The following MCUB variants were observed in gnomAD, a reference collection of about 807,000 sequenced individuals.
MCUB encodes the protein mitochondrial calcium uniporter dominant negative subunit beta.
A neutral mutation model predicts 41.4 loss-of-function variants in MCUB; 46 were observed. The ratio of observed to expected loss-of-function variants is 1.11; its 90% CI spans 0.88 to 1.42. The LOEUF (loss-of-function observed/expected upper bound fraction) is 1.42. MCUB is among the 40% of genes most tolerant of loss of function. The pLI is 0.00. For missense variants in MCUB, 403 were observed against 404.9 expected, an observed-to-expected ratio of 1.00 and a Z score of 0.04; for synonymous variants, 148 against 148.2, an observed-to-expected ratio of 1.00 and a Z score of 0.01.
intron 1 of MCUB, among the ~76,000 whole-genome samples, chr4:109,589,031 A>G (rs888748698): frequency 1.3e-5 from 2 of 152,240 alleles, no homozygotes; most frequent in Non-Finnish European, 2.9e-5. Flanking sequence ...TAAGGTAACC[A>G]TAATTAACAC....
rs11307907 is a variant in MCUB at position 109,664,943 on chromosome 4, TAAA to T, written c.451+559_451+561del. 4.0e-5 allele frequency among the ~76,000 whole-genome samples: 6 copies of T among 150,830 alleles called. No homozygotes were observed. The East Asian group carries it at 1.2e-3, about 29-fold the overall frequency. On this transcript the variant is annotated intron_variant, in intron 4 of 7. Transcript: ENST00000394650. ...ATGATTGTATAGCTCTTAACTCTTG[TAAA>T]AAAAAAAAATTGTATTATTTAAAGC...
intron 1 of MCUB, among the ~76,000 whole-genome samples, chr4:109,636,109 C>T (rs931864117): frequency 6.6e-6 from 1 of 151,990 alleles, no homozygotes; most frequent in Non-Finnish European, 1.5e-5. Context: ...TCTAACTGAC[C>T]CAGCTTGGAG....
chr4:109,606,579 C>A (rs1407108991), intron 1 of MCUB, among the ~76,000 whole-genome samples: 1 of 151,848 alleles, frequency 6.6e-6, no homozygotes, highest in Non-Finnish European at 1.5e-5. Context: ...TATCTTATAA[C>A]CCATTATTTT....
intron 4 of MCUB, among the ~76,000 whole-genome samples, chr4:109,666,454 A>G (rs1157234416): frequency 6.6e-6 from 1 of 152,210 alleles, no homozygotes; most frequent in Non-Finnish European, 1.5e-5. Context: ...TATCCTTGCC[A>G]GCAATTGGTG....
chr4:109,601,076 A>C lies in MCUB; in HGVS notation c.99+40640A>C, dbSNP rs570300527. ...CCAAAGTGTTGGGATTACAGGCGTG[A>C]GCTACCGCACCCGGCCTATTGTATC... On this transcript the variant is annotated intron_variant, in intron 1 of 7. Transcript: ENST00000394650. 2.6e-5 allele frequency among the ~76,000 whole-genome samples: 4 copies of C among 151,778 alleles called. No homozygotes were observed. In the East Asian group the frequency reaches 7.8e-4, roughly 30 times the overall value.
At chr4:109,585,256 AC>A (rs1727280356) in intron 1 of MCUB, among the ~76,000 whole-genome samples, 2 of 152,078 alleles carry the variant, frequency 1.3e-5, no homozygotes, top group African/African-American at 4.8e-5. Context: ...TTTATCAGAG[AC>A]TAGGATTGCA....
chr4:109,665,946 A>G (rs548716888), intron 4 of MCUB, among the ~76,000 whole-genome samples: 1 of 151,540 alleles, frequency 6.6e-6, no homozygotes, highest in South Asian at 2.1e-4. Context: ...AAAGGGGGAG[A>G]GTGGGAGGAA....
chr4:109,604,633 ATGATAC>A (rs1414567923), intron 1 of MCUB, among the ~76,000 whole-genome samples: 8 of 152,188 alleles, frequency 5.3e-5, no homozygotes, highest in African/African-American at 1.9e-4. Flanking sequence ...GTCATTCAGT[ATGATAC>A]TAACTGTGGG....
At position 109,660,348 on chromosome 4, in the gene MCUB, C is replaced by T. The variant is rs1163515542; in HGVS notation, c.329C>T (p.Ala110Val). 1.2e-6 allele frequency: 2 copies of T among 1,601,386 alleles called. No homozygotes were observed. Among genetic ancestry groups the T allele is most frequent in the South Asian group, 1.1e-5 (1 of 90,280 alleles). ...LQNEDKGIKTAAIFTADGNMI... is the reference protein window; with the variant it reads ...LQNEDKGIKTVAIFTADGNMI... The stretch of plus-strand genomic sequence containing the variant: ...AATGAAGATAAGGGTATCAAAACTG[C>T]AGCCATCTTCACAGCAGGTATATAT... Residue 110 changes from alanine to valine, a missense_variant, in exon 3 of 8, where the codon GCA (alanine) becomes GTA (valine). Ala to Val is a moderately conservative substitution (Grantham distance 64). Transcript: ENST00000394650.
intron 4 of MCUB, among the ~76,000 whole-genome samples, chr4:109,668,263 C>T (rs1355943158): frequency 1.3e-5 from 2 of 152,026 alleles, no homozygotes; most frequent in African/African-American, 4.8e-5. Flanking sequence ...ATGAATTCAT[C>T]TATTTCTTCT....
intron 1 of MCUB, among the ~76,000 whole-genome samples, chr4:109,602,018 T>A (rs542155569): frequency 4.6e-4 from 70 of 152,234 alleles, no homozygotes; most frequent in Non-Finnish European, 8.5e-4. Context: ...ATGTATTTTT[T>A]GAGAAATGTC....
intron 1 of MCUB, among the ~76,000 whole-genome samples, chr4:109,573,012 AC>A (rs1726949259): frequency 6.6e-6 from 1 of 152,138 alleles, no homozygotes; most frequent in South Asian, 2.1e-4. Flanking sequence ...CATATTATAA[AC>A]TGTACCTGTG....
chr4:109,569,550 C>T (rs1726862320), intron 1 of MCUB, among the ~76,000 whole-genome samples: 1 of 126,660 alleles, frequency 7.9e-6, no homozygotes, highest in Non-Finnish European at 1.6e-5. Flanking sequence ...GTTGCCCAGG[C>T]TGGAGTGCAG....
At chr4:109,666,916 C>T (rs992915652) in intron 4 of MCUB, among the ~76,000 whole-genome samples, 2 of 152,214 alleles carry the variant, frequency 1.3e-5, no homozygotes, top group East Asian at 1.9e-4. Flanking sequence ...AAGTGTTGAG[C>T]CTTGCATACC....
chr4:109,567,533 A>C (rs74670620), intron 1 of MCUB, among the ~76,000 whole-genome samples: 22 of 114,432 alleles, frequency 1.9e-4, no homozygotes, highest in Admixed American at 6.7e-4. Flanking sequence ...AATTAGCCAG[A>C]CATGGTGGCA....
chr4:109,630,196 T>C (rs530204837), intron 1 of MCUB, among the ~76,000 whole-genome samples: 4 of 152,200 alleles, frequency 2.6e-5, no homozygotes, highest in Admixed American at 2.6e-4. Flanking sequence ...TGCGGTGGCT[T>C]GTGCCTATAA....
At chr4:109,565,637 G>A (rs1282817048) in intron 1 of MCUB, among the ~76,000 whole-genome samples, 1 of 152,130 alleles carries the variant, frequency 6.6e-6, no homozygotes, top group African/African-American at 2.4e-5. Context: ...CTGAGATAAT[G>A]CTGTTTCGTT....
intron 1 of MCUB, among the ~76,000 whole-genome samples, chr4:109,583,560 C>T (rs553366830): frequency 6.6e-6 from 1 of 152,258 alleles, no homozygotes; most frequent in South Asian, 2.1e-4. Context: ...TTATTTCTTT[C>T]TCTTGCCTGA....
intron 1 of MCUB, among the ~76,000 whole-genome samples, chr4:109,587,746 A>C (rs1277076584): frequency 1.3e-5 from 2 of 152,252 alleles, no homozygotes; most frequent in Non-Finnish European, 2.9e-5. Context: ...AGTGTTGCAT[A>C]AGTATTGAGA....
Sources: gnomAD v4.1 joint callset for allele counts (sites outside exome capture counted in the v4.1 genomes callset) on GRCh38, gnomAD v4.1.1 for gene constraint, MANE v1.5 for transcripts, NCBI Gene and HGNC (gene_info 2026-07-23, HGNC 2026-07-21) for gene names.